PRLR: variants seen among roughly 807,000 people sequenced by gnomAD.
PRLR encodes prolactin receptor.
A neutral mutation model predicts 40.2 loss-of-function variants in PRLR; 13 were observed. The ratio of observed to expected loss-of-function variants is 0.32; its 90% CI spans 0.21 to 0.51. The LOEUF (loss-of-function observed/expected upper bound fraction) is 0.51, where lower values mean the gene tolerates loss of function less well. Among genes scored for constraint, PRLR ranks in the 20% least tolerant of loss-of-function variants. The probability of loss-of-function intolerance (pLI) is 0.97; values close to 1 mark genes in which losing one functional copy is unlikely to be tolerated. For missense variants in PRLR, 656 were observed against 747.3 expected (o/e 0.88, Z 1.42); for synonymous variants, 269 against 278.7 (o/e 0.97, Z 0.35).
chr5:35,228,232 CAAAAAAA>C (rs55934270), intron 1 of PRLR, among the ~76,000 whole-genome samples: 1 of 87,432 alleles, frequency 1.1e-5, no homozygotes, highest in Non-Finnish European at 2.4e-5. Context: ...AACAACCATG[CAAAAAAA>C]AAAAAAAAAA....
chr5:35,101,313 A>G (rs1771861845), intron 2 of PRLR, among the ~76,000 whole-genome samples: 1 of 152,026 alleles, frequency 6.6e-6, no homozygotes, highest in African/African-American at 2.4e-5. Flanking sequence ...GAGTTGTGCA[A>G]CTCTTTTCCA....
At chr5:35,182,762 A>G (rs1000965513) in intron 1 of PRLR, among the ~76,000 whole-genome samples, 8 of 152,202 alleles carry the variant, frequency 5.3e-5, no homozygotes, top group African/African-American at 1.9e-4. Flanking sequence ...CAGAGGCAGG[A>G]TTTAAACCCC....
chr5:35,076,892 A>C (rs249540), intron 5 of PRLR, among the ~76,000 whole-genome samples: 35,018 of 152,102 alleles, frequency 0.23, 5,516 homozygotes, highest in African/African-American at 0.45. Context: ...GCCAATATTC[A>C]ACATTCTCAA....
At chr5:35,228,130 T>G (rs1579823928) in intron 1 of PRLR, among the ~76,000 whole-genome samples, 2 of 151,712 alleles carry the variant, frequency 1.3e-5, no homozygotes, top group East Asian at 3.9e-4. Flanking sequence ...CATGAGACTA[T>G]TGAACACTTA....
intron 1 of PRLR, among the ~76,000 whole-genome samples, chr5:35,211,586 G>A (rs1220299514): frequency 6.6e-6 from 1 of 152,174 alleles, no homozygotes; most frequent in Non-Finnish European, 1.5e-5. Context: ...CCTTGTAACA[G>A]AAAGAGTTAC....
rs186247637 is a variant in PRLR, at chr5:35,180,025, G to A, written c.-106+50243C>T. On this transcript the variant is annotated intron_variant, in intron 1 of 9. Coordinates refer to ENST00000618457, the MANE Select transcript of PRLR (RefSeq NM_000949.7). ...TGAGCTTGCTTTCCTGCAACTAGGC[G>A]GTCCCATTTGGGAGTGACGGGAGAC... is the stretch of plus-strand genomic sequence containing the variant. 1.8e-4 allele frequency among the ~76,000 whole-genome samples: 27 copies of A among 152,220 alleles called. No homozygotes were observed. In the East Asian group the frequency reaches 3.7e-3, roughly 21 times the overall value.
chr5:35,055,246 C>T (rs749099907), downstream of PRLR, among the ~76,000 whole-genome samples: 3 of 152,098 alleles, frequency 2.0e-5, no homozygotes, highest in Admixed American at 6.5e-5. Flanking sequence ...GATCATATCT[C>T]AGGTTTGGAA....
At chr5:35,107,234 G>A (rs1303276258) in intron 2 of PRLR, among the ~76,000 whole-genome samples, 1 of 152,222 alleles carries the variant, frequency 6.6e-6, no homozygotes, top group African/African-American at 2.4e-5. Context: ...GCAGTGTGTA[G>A]AGGGAAATTT....
intron 1 of PRLR, among the ~76,000 whole-genome samples, chr5:35,220,345 G>A (rs192203981): frequency 2.4e-4 from 37 of 152,180 alleles, no homozygotes; most frequent in African/African-American, 8.4e-4. Flanking sequence ...TCCAGTCTTA[G>A]GACTTTTGCT....
At chr5:35,119,386 TCACACA>T (rs58727265) in intron 1 of PRLR, among the ~76,000 whole-genome samples, 48 of 145,738 alleles carry the variant, frequency 3.3e-4, no homozygotes, top group African/African-American at 1.1e-3. Context: ...TCTCTCTCTC[TCACACA>T]CACACACACA....
At chr5:35,165,481 G>C (rs1774796886) in intron 1 of PRLR, among the ~76,000 whole-genome samples, 1 of 152,158 alleles carries the variant, frequency 6.6e-6, no homozygotes, top group Admixed American at 6.6e-5. Context: ...AGGTTCTTTA[G>C]GTGTTCTCAG....
chr5:35,096,180 A>G (rs1296051758), intron 2 of PRLR, among the ~76,000 whole-genome samples: 3 of 152,196 alleles, frequency 2.0e-5, no homozygotes, highest in African/African-American at 4.8e-5. Context: ...CTCCAATACG[A>G]TATATGTGCC....
At chr5:35,154,866 C>T (rs746262301) in intron 1 of PRLR, among the ~76,000 whole-genome samples, 13 of 152,092 alleles carry the variant, frequency 8.5e-5, no homozygotes, top group Non-Finnish European at 1.6e-4. Context: ...AAGCCATTAT[C>T]CCCAGCGAAT....
chr5:35,135,360 G>C (rs2111795747), intron 1 of PRLR: 1 of 152,396 alleles, frequency 6.6e-6, no homozygotes, highest in East Asian at 1.9e-4. Context: ...TGTCCTCGCG[G>C]CCTCTCCACT....
At chr5:35,114,918 T>G (rs1457043996) in intron 2 of PRLR, among the ~76,000 whole-genome samples, 1 of 152,226 alleles carries the variant, frequency 6.6e-6, no homozygotes, top group Non-Finnish European at 1.5e-5. Flanking sequence ...ATTCGGTTCC[T>G]TCTACTCTTC....
At chr5:35,151,673 A>C (rs1774345629) in intron 1 of PRLR, among the ~76,000 whole-genome samples, 1 of 152,178 alleles carries the variant, frequency 6.6e-6, no homozygotes, top group Non-Finnish European at 1.5e-5. Flanking sequence ...CCATAGAGCC[A>C]AGGCTCCTGA....
In PRLR at chr5:35,090,582, T is replaced by TTTGTTG. The variant is rs146987418; in HGVS notation, c.-43-925_-43-920dup. On this transcript the variant is annotated intron_variant, in intron 2 of 9. Transcript: ENST00000618457. ...TCTCTTTAAATTTTTATTGTTTCAT[T>TTTGTTG]TTGTTGTTGTTGTTGTTGTTGTTGT... Among the ~76,000 whole-genome samples the TTTGTTG allele has an allele frequency of 1.9e-3, 286 of 151,264 alleles. 1 individual carries two copies. The highest frequency in any genetic ancestry group is 6.5e-3 in the African/African-American group (266 of 41,160).
chr5:35,102,522 T>TCTCCC, intron 2 of PRLR, among the ~76,000 whole-genome samples: 1 of 126,030 alleles, frequency 7.9e-6, no homozygotes, highest in Non-Finnish European at 1.7e-5. Context: ...TCTCCTCTCC[T>TCTCCC]CTCCTCTCCT....
At chr5:35,110,577 C>G (rs1772595972) in intron 2 of PRLR, among the ~76,000 whole-genome samples, 1 of 152,082 alleles carries the variant, frequency 6.6e-6, no homozygotes, top group African/African-American at 2.4e-5. Context: ...CTCTATAGTC[C>G]CAAGCAATCC....
Sources: allele counts gnomAD v4.1 joint callset (sites outside exome capture counted in the v4.1 genomes callset), GRCh38; gene constraint gnomAD v4.1.1; transcripts MANE v1.5; gene names NCBI Gene and HGNC (gene_info 2026-07-23, HGNC 2026-07-21).